DENND1A: variants seen among roughly 807,000 people sequenced by gnomAD.
The protein encoded by DENND1A is DENN domain-containing protein 1A.
A neutral mutation model predicts 113.7 loss-of-function variants in DENND1A; 51 were observed. The ratio of observed to expected loss-of-function variants is 0.45; its 90% CI spans 0.36 to 0.57. The LOEUF (loss-of-function observed/expected upper bound fraction) is 0.57. DENND1A is among the 20% of genes least tolerant of loss of function. The pLI is 0.00. For synonymous variants in DENND1A, 565 were observed against 570.8 expected (o/e 0.99, Z 0.14); for missense variants, 1,258 against 1,395.9 (o/e 0.90, Z 1.57).
At chr9:123,526,816 A>C (rs1306223392) in intron 13 of DENND1A, among the ~76,000 whole-genome samples, 1 of 152,068 alleles carries the variant, frequency 6.6e-6, no homozygotes, top group Non-Finnish European at 1.5e-5. Context: ...TCTCTGGTCT[A>C]TGCTCTTTTC....
intron 2 of DENND1A, among the ~76,000 whole-genome samples, chr9:123,854,038 G>A (rs1469441176): frequency 6.6e-6 from 1 of 152,120 alleles, no homozygotes; most frequent in Non-Finnish European, 1.5e-5. Context: ...CAATCACACT[G>A]TACACATAAT....
rs1378209173 is a variant in DENND1A at position 123,757,690 on chromosome 9, C to G, written c.302+13G>C. The G allele has an allele frequency of 1.9e-6, 3 of 1,613,276 alleles. No individual in the cohort carries two copies. Among genetic ancestry groups the G allele is most frequent in the South Asian group, 2.2e-5 (2 of 91,040 alleles). On this transcript the variant is annotated intron_variant, in intron 5 of 23. Transcript: ENST00000394215. ...TCAGAGAACAAGCCAACAGCCCAAG[C>G]CTTCTCCCTTACCTTAAGATACAGA...
chr9:123,799,749 G>T (rs888907376), intron 2 of DENND1A, among the ~76,000 whole-genome samples: 2 of 152,168 alleles, frequency 1.3e-5, no homozygotes, highest in African/African-American at 4.8e-5. Flanking sequence ...GAGTGTAATA[G>T]AATTAATAGA....
rs114763014 is a variant in DENND1A at position 123,410,112 on chromosome 9, A to C, written c.1542+1664T>G. Among the ~76,000 whole-genome samples, 725 of 152,290 alleles carry C rather than the reference A, an allele frequency of 4.8e-3. 4 individuals are homozygous for C. Among genetic ancestry groups the C allele is most frequent in the African/African-American group, 0.015 (640 of 41,572 alleles). ...ATCTCAAAACAAACAAACAAACAAA[A>C]AAAAACTCTTACTGTGTGTGTTCTG... On this transcript the variant is annotated intron_variant, in intron 20 of 23. Coordinates refer to ENST00000394215, the MANE Select transcript of DENND1A (RefSeq NM_001352964.2).
intron 1 of DENND1A, among the ~76,000 whole-genome samples, chr9:123,882,225 G>C (rs532557379): frequency 1.3e-5 from 2 of 151,940 alleles, no homozygotes; most frequent in Non-Finnish European, 1.5e-5. Flanking sequence ...GGCCAGGCAT[G>C]GTGGGGGATG....
intron 13 of DENND1A, among the ~76,000 whole-genome samples, chr9:123,474,438 A>C (rs1394091163): frequency 6.7e-6 from 1 of 149,826 alleles, no homozygotes; most frequent in Non-Finnish European, 1.5e-5. Context: ...AAAAAGTTTA[A>C]AATTTTAAGC....
chr9:123,446,960 A>C (rs1156662031), intron 18 of DENND1A, among the ~76,000 whole-genome samples: 1 of 152,256 alleles, frequency 6.6e-6, no homozygotes, highest in Non-Finnish European at 1.5e-5. Flanking sequence ...AAAAGAGGAC[A>C]TCCCTACGTG....
intron 13 of DENND1A, among the ~76,000 whole-genome samples, chr9:123,504,369 A>G (rs2052738075): frequency 6.6e-6 from 1 of 152,182 alleles, no homozygotes; most frequent in Non-Finnish European, 1.5e-5. Context: ...GGAAGGCAGG[A>G]CCATGAATGG....
chr9:123,632,019 T>C (rs2061496157), intron 9 of DENND1A, among the ~76,000 whole-genome samples: 1 of 152,268 alleles, frequency 6.6e-6, no homozygotes, highest in Non-Finnish European at 1.5e-5. Context: ...TTTTGGAAGC[T>C]GTTAACTGGC....
At position 123,450,766 on chromosome 9, in the gene DENND1A, TTTAAG is replaced by T. The variant is rs761989412; in HGVS notation, c.1300-22_1300-18del. ...ATCTTTTGCCTGCATGAAAAATTAA[TTTAAG>T]TTAAGATTCCCTTTCTGTTTCCAGC... is the stretch of plus-strand genomic sequence containing the variant. On this transcript the variant is annotated intron_variant, in intron 17 of 23. Coordinates refer to ENST00000394215, the MANE Select transcript of DENND1A (RefSeq NM_001352964.2). 2.9e-5 allele frequency: 46 copies of T among 1,605,648 alleles called. No homozygotes were observed. The highest frequency in any genetic ancestry group is 3.0e-5 in the Non-Finnish European group (35 of 1,175,808).
At chr9:123,757,358 A>C (rs903896573) in intron 5 of DENND1A, among the ~76,000 whole-genome samples, 1 of 152,208 alleles carries the variant, frequency 6.6e-6, no homozygotes, top group Non-Finnish European at 1.5e-5. Flanking sequence ...ATAATCTTAC[A>C]TACACAAAAT....
Position 123,403,486 on chromosome 9 carries a change from C to A in DENND1A, c.1547G>T (p.Arg516Leu), listed in dbSNP as rs373921365. The A allele has an allele frequency of 1.4e-4, 224 of 1,613,728 alleles. No homozygotes were observed. Among genetic ancestry groups the A allele is most frequent in the Non-Finnish European group, 1.8e-4 (210 of 1,179,944 alleles). The change falls in exon 21 of 24, where the codon CGC becomes CTC. Residue 516 changes from arginine (R) to leucine (L), a missense_variant. Arg to Leu is a moderately radical substitution (Grantham distance 102). This residue lies in a region of DENND1A where 1,159 missense variants were observed against 1,231.7 expected (regional missense o/e 0.94). Coordinates refer to ENST00000394215, the MANE Select transcript of DENND1A (RefSeq NM_001352964.2). ...CTTAACAACATGTGGACGAGGTGGG[C>A]GCACCTAGAGGAGGTACAGGGGGAG... ...PPKIQRSRPV[R>L]PPRPHVVKRP...
At chr9:123,663,741 T>C (rs2063359268) in intron 8 of DENND1A, among the ~76,000 whole-genome samples, 1 of 152,144 alleles carries the variant, frequency 6.6e-6, no homozygotes, top group Non-Finnish European at 1.5e-5. Flanking sequence ...TTGTAAAGAA[T>C]TTTTAATGAC....
intron 21 of DENND1A, among the ~76,000 whole-genome samples, chr9:123,395,654 C>T (rs1325904692): frequency 1.3e-5 from 2 of 152,210 alleles, no homozygotes; most frequent in East Asian, 3.9e-4. Flanking sequence ...CCCCCTGGGG[C>T]CGAGGGCCCA....
chr9:123,584,971 T>C (rs961640082), intron 11 of DENND1A, among the ~76,000 whole-genome samples: 11 of 152,114 alleles, frequency 7.2e-5, no homozygotes, highest in South Asian at 4.1e-4. Context: ...CTAATACTGG[T>C]TGACATTCAC....
intron 13 of DENND1A, among the ~76,000 whole-genome samples, chr9:123,554,934 A>G (rs890775144): frequency 2.0e-5 from 3 of 152,238 alleles, no homozygotes; most frequent in Admixed American, 6.5e-5. Context: ...TAAAACTATC[A>G]TAAGACAGAC....
chr9:123,650,191 G>A (rs576579748), intron 9 of DENND1A, among the ~76,000 whole-genome samples: 2 of 152,202 alleles, frequency 1.3e-5, no homozygotes, highest in South Asian at 2.1e-4. Context: ...TGAACTGCAC[G>A]TATGGTGTAA....
At chr9:123,928,854 G>T in intron 1 of DENND1A, 4 of 985,440 alleles carry the variant, frequency 4.1e-6, no homozygotes, top group Non-Finnish European at 4.8e-6. Flanking sequence ...AAACTTTCTT[G>T]TAAGAGGGTT....
chr9:123,857,119 G>A (rs1348899391), intron 2 of DENND1A, among the ~76,000 whole-genome samples: 1 of 151,292 alleles, frequency 6.6e-6, no homozygotes, highest in Admixed American at 6.6e-5. Context: ...CAAAATTTTG[G>A]CTTTTAAATA....
Sources: gnomAD v4.1 joint callset for allele counts (sites outside exome capture counted in the v4.1 genomes callset) on GRCh38, gnomAD v4.1.1 for gene constraint, gnomAD v4.1.1 regional missense constraint, MANE v1.5 for transcripts, NCBI Gene and HGNC (gene_info 2026-07-23, HGNC 2026-07-21) for gene names.